Variants in PDE8B observed in about 807,000 individuals in gnomAD.
The protein encoded by PDE8B is phosphodiesterase 8B.
In PDE8B, 26 loss-of-function variants were observed where a neutral mutation model predicts 101.3. That is an observed-to-expected ratio of 0.26 (90% CI 0.19 to 0.36). The LOEUF (loss-of-function observed/expected upper bound fraction) is 0.36, where lower values mean the gene tolerates loss of function less well. Among genes scored for constraint, PDE8B ranks in the 10% least tolerant of loss-of-function variants. The pLI, the probability that PDE8B is intolerant of heterozygous loss-of-function variation, is 1.00. For synonymous variants in PDE8B, 424 were observed against 429.3 expected (o/e 0.99, Z 0.15); for missense variants, 810 against 1,163.1 (o/e 0.70, Z 4.42).
intron 1 of PDE8B, among the ~76,000 whole-genome samples, chr5:77,230,332 C>T (rs1379657774): frequency 1.3e-5 from 2 of 152,218 alleles, no homozygotes; most frequent in South Asian, 2.1e-4. Context: ...ACCTTTTTAG[C>T]TCAGGAAGCC....
chr5:77,235,586 C>A (rs1299155647), intron 1 of PDE8B, among the ~76,000 whole-genome samples: 1 of 152,218 alleles, frequency 6.6e-6, no homozygotes, highest in East Asian at 1.9e-4. Flanking sequence ...TCCTTACACT[C>A]ATAGTGCTTA....
the PDE8B span, chr5:77,112,321 C>T: frequency 3.9e-5 from 6 of 152,172 alleles, no homozygotes; most frequent in Admixed American, 6.5e-5. Flanking sequence ...GACAAAATAT[C>T]GTAGCATTTG....
intron 7 of PDE8B, among the ~76,000 whole-genome samples, chr5:77,347,762 G>A (rs1780397941): frequency 6.6e-6 from 1 of 152,134 alleles, no homozygotes; most frequent in South Asian, 2.1e-4. Context: ...AGAGAAGAGG[G>A]ATAAATTGGA....
At chr5:77,172,721 A>G in the PDE8B span, among the ~76,000 whole-genome samples, 5 of 152,242 alleles carry the variant, frequency 3.3e-5, no homozygotes, top group Admixed American at 3.3e-4. Context: ...ACTAAAGATA[A>G]GACATTAGGA....
At chr5:77,416,039 C>T (rs1468206906) in intron 17 of PDE8B, among the ~76,000 whole-genome samples, 1 of 152,178 alleles carries the variant, frequency 6.6e-6, no homozygotes, top group Admixed American at 6.5e-5. Flanking sequence ...GACATTTCCT[C>T]CTCGACGTAG....
the PDE8B span, chr5:77,088,849 G>A: frequency 6.6e-6 from 1 of 152,242 alleles, no homozygotes; most frequent in East Asian, 1.9e-4. Context: ...TTAGGGCCAT[G>A]GGTTTCCAGG....
At chr5:77,387,579 C>G (rs1788991451) in intron 10 of PDE8B, among the ~76,000 whole-genome samples, 1 of 152,150 alleles carries the variant, frequency 6.6e-6, no homozygotes, top group Non-Finnish European at 1.5e-5. Context: ...CGAGGAGTAT[C>G]TTTGTGGTGT....
intron 1 of PDE8B, among the ~76,000 whole-genome samples, chr5:77,303,620 T>A (rs1336596126): frequency 6.6e-6 from 1 of 152,104 alleles, no homozygotes; most frequent in African/African-American, 2.4e-5. Context: ...CACAATATAG[T>A]TGAAGCCCCG....
chr5:77,134,868 T>C, the PDE8B span, among the ~76,000 whole-genome samples: 2 of 152,114 alleles, frequency 1.3e-5, no homozygotes, highest in African/African-American at 4.8e-5. Flanking sequence ...AAGTATTTCC[T>C]CAAGAAGAGG....
At chr5:77,316,194 A>ATAGG (rs1296028324) in intron 2 of PDE8B, among the ~76,000 whole-genome samples, 1 of 152,140 alleles carries the variant, frequency 6.6e-6, no homozygotes, top group Non-Finnish European at 1.5e-5. Context: ...TTTCTCTAAT[A>ATAGG]TAGGTATACT....
intron 1 of PDE8B, among the ~76,000 whole-genome samples, chr5:77,250,634 G>C (rs149598218): frequency 1.3e-5 from 2 of 152,314 alleles, no homozygotes; most frequent in African/African-American, 4.8e-5. Context: ...CCTGCCCAGT[G>C]ATAGTTCCCT....
the PDE8B span, among the ~76,000 whole-genome samples, chr5:77,173,337 G>C: frequency 1.3e-5 from 2 of 152,142 alleles, no homozygotes; most frequent in African/African-American, 4.8e-5. Context: ...AGCAACTGTT[G>C]GGTACAAGAT....
Position 77,211,094 on chromosome 5 carries a change from C to A in PDE8B, c.169C>A (p.Arg57Ser), listed in dbSNP as rs775097972. 10 of 1,493,208 alleles carry A rather than the reference C, an allele frequency of 6.7e-6. No homozygotes were observed. The Admixed American group carries it at 2.0e-4, about 29-fold the overall frequency. The allele number at this position is 1,493,208 out of a possible 1,614,324, so 92.5% of individuals were successfully genotyped here. Residue 57 changes from arginine (R) to serine (S), a missense_variant, in exon 1 of 22, where the codon CGC (arginine) becomes AGC (serine). Around this residue, in one of 4 missense-constraint regions of PDE8B, gnomAD observed 159 missense variants for 146.6 expected, o/e 1.08. Coordinates refer to ENST00000264917, the MANE Select transcript of PDE8B (RefSeq NM_003719.5). This position sits in a 1 kb window ranked among gnomAD's most constrained non-coding sequence, Gnocchi z 4.1. Reference protein sequence around the residue: ...TDAADAIPPSRASGPPSVARV... With the variant: ...TDAADAIPPSSASGPPSVARV... ...CGCCGCCGACGCCATCCCCCCGAGCCGCGCGTCGGGACCCCCCAGCGTAGC... is the reference window on the plus strand; with the variant it reads ...CGCCGCCGACGCCATCCCCCCGAGCAGCGCGTCGGGACCCCCCAGCGTAGC...
chr5:77,167,188 C>T, the PDE8B span, among the ~76,000 whole-genome samples: 1 of 152,216 alleles, frequency 6.6e-6, no homozygotes, highest in Admixed American at 6.5e-5. Context: ...TCATAGCAGG[C>T]ACTAATTCCT....
chr5:77,224,145 G>A (rs1231523695), intron 1 of PDE8B, among the ~76,000 whole-genome samples: 1 of 152,076 alleles, frequency 6.6e-6, no homozygotes, highest in Non-Finnish European at 1.5e-5. Flanking sequence ...TGGTTCTATG[G>A]CTTAGCTTCT....
chr5:77,378,008 C>T (rs1258756534), intron 10 of PDE8B, among the ~76,000 whole-genome samples: 1 of 93,710 alleles, frequency 1.1e-5, no homozygotes, highest in Non-Finnish European at 2.0e-5. Flanking sequence ...CCCTCTCTCT[C>T]TACACACACA....
At chr5:77,228,800 C>T (rs1752960231) in intron 1 of PDE8B, among the ~76,000 whole-genome samples, 1 of 152,152 alleles carries the variant, frequency 6.6e-6, no homozygotes, top group Admixed American at 6.5e-5. Flanking sequence ...GGGAATGACA[C>T]AGTCCAAGTT....
rs545330997 is a variant in PDE8B, at chr5:77,421,861, A to G, written c.2291A>G (p.Asn764Ser). The change falls in exon 20 of 22, where the codon AAC becomes AGC. Residue 764 changes from asparagine (N) to serine (S), a missense_variant. Around this residue, in one of 4 missense-constraint regions of PDE8B, gnomAD observed 325 missense variants for 560.9 expected, o/e 0.58. Transcript: ENST00000264917. Reference sequence around the variant, plus strand: ...TGTGAATGCAACCCTGCTGGGAAGAACTTCCCTGAAAACCAAATCCTGATC... The same window carrying G: ...TGTGAATGCAACCCTGCTGGGAAGAGCTTCCCTGAAAACCAAATCCTGATC... Reference protein sequence around the residue: ...SDCECNPAGKNFPENQILIKR... With the variant: ...SDCECNPAGKSFPENQILIKR... The G allele has an allele frequency of 6.2e-7, 1 of 1,614,064 alleles. No homozygotes were observed. Among genetic ancestry groups the G allele is most frequent in the Admixed American group, 1.7e-5 (1 of 60,022 alleles).
chr5:77,393,744 T>C (rs780276250), intron 10 of PDE8B, among the ~76,000 whole-genome samples: 3 of 152,218 alleles, frequency 2.0e-5, no homozygotes, highest in Non-Finnish European at 4.4e-5. Flanking sequence ...AGACTATGCT[T>C]GTAATACCTA....
Sources: allele counts gnomAD v4.1 joint callset (sites outside exome capture counted in the v4.1 genomes callset), GRCh38; gene constraint gnomAD v4.1.1; regional missense constraint gnomAD v4.1.1; non-coding constraint Gnocchi (gnomAD v3.1); transcripts MANE v1.5; gene names NCBI Gene and HGNC (gene_info 2026-07-23, HGNC 2026-07-21).